The following CLPX variants were observed in gnomAD, a reference collection of about 807,000 sequenced individuals.
The protein encoded by CLPX is ATP-dependent clpX-like chaperone, mitochondrial.
A neutral mutation model predicts 76.4 loss-of-function variants in CLPX; 34 were observed. That is an observed-to-expected ratio of 0.45 (90% CI 0.34 to 0.59). CLPX has a LOEUF of 0.59. Ranked by LOEUF, CLPX falls within the 20% of genes least tolerant of loss-of-function variation. The pLI is 0.01. For synonymous variants in CLPX, 248 were observed against 270.9 expected (o/e 0.92, Z 0.83); for missense variants, 613 against 757.0 (o/e 0.81, Z 2.23).
intron 13 of CLPX, among the ~76,000 whole-genome samples, chr15:65,152,015 C>T (rs1374656675): frequency 3.3e-5 from 5 of 152,188 alleles, no homozygotes; most frequent in South Asian, 4.1e-4. Context: ...TTGCAACCTC[C>T]GCCTCCTAGG....
chr15:65,156,862 A>G lies in CLPX; in HGVS notation c.1128T>C (p.Gly376=). Residue 376 remains glycine (G), a synonymous_variant, in exon 9 of 14, where the codon GGT becomes GGC. Coordinates refer to ENST00000300107, the MANE Select transcript of CLPX (RefSeq NM_006660.5). The part of the protein sequence containing the change: ...VPGIHQLRDV[G]GEGVQQGLLK... ...TGCTTACTTGCTGAACGCCTTCTCC[A>G]CCTACATCCCGTAATTGATGAATGC... is the stretch of plus-strand genomic sequence containing the variant. 6.2e-7 allele frequency: 1 copy of G among 1,613,018 alleles called. No homozygotes were observed. The highest frequency in any genetic ancestry group is 8.5e-7 in the Non-Finnish European group (1 of 1,179,230).
intron 3 of CLPX, among the ~76,000 whole-genome samples, chr15:65,176,340 T>C (rs1360332317): frequency 1.3e-5 from 2 of 152,230 alleles, no homozygotes; most frequent in Non-Finnish European, 2.9e-5. Flanking sequence ...CAAGAGGAGC[T>C]AGTTTACTCC....
intron 5 of CLPX, among the ~76,000 whole-genome samples, chr15:65,162,917 CA>C (rs1323466138): frequency 2.6e-5 from 4 of 152,182 alleles, no homozygotes; most frequent in African/African-American, 9.7e-5. Flanking sequence ...TTAAGCCCCT[CA>C]TGCTATAAAT....
At chr15:65,167,686 G>A (rs963493911) in intron 3 of CLPX, among the ~76,000 whole-genome samples, 4 of 150,076 alleles carry the variant, frequency 2.7e-5, no homozygotes, top group African/African-American at 9.8e-5. Flanking sequence ...AACCAGCCTG[G>A]CCAACATGAT....
Position 65,149,571 on chromosome 15 carries a change from G to T in CLPX, c.*1252C>A, listed in dbSNP as rs1321851841. 3 of 452,862 alleles carry T rather than the reference G, an allele frequency of 6.6e-6. No homozygotes were observed. Among genetic ancestry groups the T allele is most frequent in the Non-Finnish European group, 1.3e-5 (3 of 225,756 alleles). 28.1% of individuals were successfully genotyped at this position (452,862 alleles called of 1,614,324 possible). ...CATAGTACTAAAATGGATTAAAGAT[G>T]GTAAATAAGGCCGGGTGTGGTGGCT... is the stretch of plus-strand genomic sequence containing the variant. On this transcript the variant is annotated 3_prime_UTR_variant, in exon 14 of 14. Transcript: ENST00000300107.
In CLPX at chr15:65,153,456, T is replaced by C. The variant is rs1316615697; in HGVS notation, c.1704+91A>G. On this transcript the variant is annotated intron_variant, in intron 12 of 13. Transcript: ENST00000300107. Reference sequence around the variant, plus strand: ...TTGAGACTCTGTCTCAAAATATATATACATATTTTCCAAAAGAAAAACAGG... The same window carrying C: ...TTGAGACTCTGTCTCAAAATATATACACATATTTTCCAAAAGAAAAACAGG... 1.4e-5 allele frequency: 11 copies of C among 800,976 alleles called. No homozygotes were observed. In the Middle Eastern group the frequency reaches 6.7e-4, roughly 49 times the overall value. The allele number at this position is 800,976 out of a possible 1,614,324, so 49.6% of individuals were successfully genotyped here. A position where few individuals can be genotyped will look rare whatever the true frequency, so the allele number is the denominator to read the frequency against.
At position 65,149,504 on chromosome 15, in the gene CLPX, T is replaced by C. The variant is rs556790405; in HGVS notation, c.*1319A>G. 2.0e-5 allele frequency: 8 copies of C among 403,334 alleles called. No individual in the cohort carries two copies. The East Asian group carries it at 5.7e-4, about 29-fold the overall frequency. The allele number at this position is 403,334 out of a possible 1,614,324, so 25.0% of individuals were successfully genotyped here. ...AAATAAAATAAAATAGATATATAAC[T>C]TTCTGAAGATTTAAGCCAGACTTCA... On this transcript the variant is annotated 3_prime_UTR_variant, in exon 14 of 14. Transcript: ENST00000300107.
At position 65,185,245 on chromosome 15, in the gene CLPX, C is replaced by T; in HGVS notation, c.-92G>A. 9.2e-7 allele frequency: 1 copy of T among 1,088,042 alleles called. No individual in the cohort carries two copies. Among genetic ancestry groups the T allele is most frequent in the Non-Finnish European group, 1.3e-6 (1 of 743,956 alleles). 67.4% of individuals were successfully genotyped at this position (1,088,042 alleles called of 1,614,324 possible). A position where few individuals can be genotyped will look rare whatever the true frequency, so the allele number is the denominator to read the frequency against. ...CCCGCAAGGCGCGCTGACTCGGTTC[C>T]GAACCCTTTCGCGGGCCCTAGACCC... On this transcript the variant is annotated 5_prime_UTR_variant, in exon 1 of 14. Coordinates refer to ENST00000300107, the MANE Select transcript of CLPX (RefSeq NM_006660.5).
At chr15:65,165,131 G>A (rs1215300622) in intron 4 of CLPX, among the ~76,000 whole-genome samples, 1 of 151,954 alleles carries the variant, frequency 6.6e-6, no homozygotes, top group African/African-American at 2.4e-5. Flanking sequence ...GAGCCCAGGA[G>A]GTGCAGACCA....
At chr15:65,160,999 A>C (rs1243063179) in intron 6 of CLPX, among the ~76,000 whole-genome samples, 1 of 152,182 alleles carries the variant, frequency 6.6e-6, no homozygotes, top group Non-Finnish European at 1.5e-5. Context: ...TCTGTGTTTC[A>C]GTTTTCTTAC....
In CLPX at chr15:65,170,954, CTGGGACTACAGG is replaced by C. The variant is rs938622646; in HGVS notation, c.359-4181_359-4170del. 7.2e-4 allele frequency among the ~76,000 whole-genome samples: 108 copies of C among 150,332 alleles called. 1 individual carries two copies. The highest frequency in any genetic ancestry group is 2.4e-3 in the South Asian group (11 of 4,678). On this transcript the variant is annotated intron_variant, in intron 3 of 13. Coordinates refer to ENST00000300107, the MANE Select transcript of CLPX (RefSeq NM_006660.5). ...TCTCCTGCCTCAGCCTCTGGAGTAG[CTGGGACTACAGG>C]TGCATGCCACCACACCCAGCTCATT...
intron 1 of CLPX, 46 bp from the exon 2 acceptor site, chr15:65,180,250 A>C (rs1445692156): frequency 6.9e-7 from 1 of 1,451,986 alleles, no homozygotes; most frequent in Non-Finnish European, 9.3e-7. Flanking sequence ...ATGCCTCAAT[A>C]AATCCCCTGG....
chr15:65,175,037 A>C (rs756015024), intron 3 of CLPX, among the ~76,000 whole-genome samples: 14 of 152,236 alleles, frequency 9.2e-5, no homozygotes, highest in Non-Finnish European at 2.1e-4. Context: ...TTTTCTCATA[A>C]AGGAGGATCT....
At chr15:65,178,290 C>A (rs2088115698) in intron 3 of CLPX, among the ~76,000 whole-genome samples, 1 of 152,194 alleles carries the variant, frequency 6.6e-6, no homozygotes, top group Non-Finnish European at 1.5e-5. Flanking sequence ...AGTCTTGGTT[C>A]TCCTATAGCC....
rs578218001 is a variant in CLPX, at chr15:65,162,520, C to A, written c.715+84G>T. The A allele has an allele frequency of 9.3e-6, 8 of 858,694 alleles. No individual in the cohort carries two copies. The East Asian group carries it at 1.5e-4, about 16-fold the overall frequency. The allele number at this position is 858,694 out of a possible 1,614,324, so 53.2% of individuals were successfully genotyped here. On this transcript the variant is annotated intron_variant, in intron 6 of 13. Coordinates refer to ENST00000300107, the MANE Select transcript of CLPX (RefSeq NM_006660.5). ...AATACACAAGCAAATACATACATGTCTATCACTGTTACTGCTGAAACACTT... is the reference window on the plus strand; with the variant it reads ...AATACACAAGCAAATACATACATGTATATCACTGTTACTGCTGAAACACTT...
intron 10 of CLPX, among the ~76,000 whole-genome samples, 162 bp from the exon 11 acceptor site, chr15:65,155,243 T>C (rs981087805): frequency 6.6e-6 from 1 of 152,228 alleles, no homozygotes; most frequent in African/African-American, 2.4e-5. Flanking sequence ...GAGAGTTTAA[T>C]ATCTTGACCA....
At chr15:65,152,333 A>T in intron 13 of CLPX, 97 bp downstream of exon 13, 2 of 447,474 alleles carry the variant, frequency 4.5e-6, no homozygotes, top group Non-Finnish European at 7.7e-6. Flanking sequence ...GAAATATAAT[A>T]ATTTTTATGT....
chr15:65,180,484 T>C (rs774248282), intron 1 of CLPX, among the ~76,000 whole-genome samples: 5 of 152,202 alleles, frequency 3.3e-5, no homozygotes, highest in African/African-American at 1.2e-4. Flanking sequence ...TTTTCAAAGT[T>C]TGAATGGACT....
chr15:65,164,292 A>G, intron 4 of CLPX, 104 bp from the exon 5 acceptor site: 1 of 879,948 alleles, frequency 1.1e-6, no homozygotes, highest in South Asian at 1.9e-5. Context: ...TTAAATCTGA[A>G]CAAAGACTCT....
Sources: allele counts gnomAD v4.1 joint callset (sites outside exome capture counted in the v4.1 genomes callset), GRCh38; gene constraint gnomAD v4.1.1; transcripts MANE v1.5; gene names NCBI Gene and HGNC (gene_info 2026-07-23, HGNC 2026-07-21).